DGKD: variants seen among roughly 807,000 people sequenced by gnomAD.
DGKD encodes the protein DAG kinase delta.
Under a neutral mutation model 154.4 loss-of-function variants are expected in DGKD, and 68 were observed. The ratio of observed to expected loss-of-function variants is 0.44; its 90% CI spans 0.36 to 0.54. The LOEUF is 0.54. DGKD is among the 20% of genes least tolerant of loss of function. The probability of loss-of-function intolerance (pLI) is 0.00; values close to 1 mark genes in which losing one functional copy is unlikely to be tolerated. For missense variants in DGKD, 1,343 were observed against 1,593.6 expected, an observed-to-expected ratio of 0.84 and a Z score of 2.68; for synonymous variants, 693 against 638.0, an observed-to-expected ratio of 1.09 and a Z score of -1.30.
chr2:233,389,869 A>G (rs2125443135), intron 2 of DGKD, among the ~76,000 whole-genome samples: 1 of 151,792 alleles, frequency 6.6e-6, no homozygotes, highest in African/African-American at 2.4e-5. Context: ...CTTCTGCTCT[A>G]CTCCCTTGTT....
intron 1 of DGKD, among the ~76,000 whole-genome samples, chr2:233,366,552 T>C (rs1559473017): frequency 6.6e-6 from 1 of 152,180 alleles, no homozygotes. Context: ...CTGGCTCTGC[T>C]GCATGCTATC....
chr2:233,448,738 C>T (rs2063167321), intron 14 of DGKD, among the ~76,000 whole-genome samples: 1 of 152,146 alleles, frequency 6.6e-6, no homozygotes, highest in African/African-American at 2.4e-5. Context: ...AGCAGCCAAC[C>T]AGAGGCTGAA....
intron 1 of DGKD, among the ~76,000 whole-genome samples, chr2:233,355,592 G>A (rs1701502413): frequency 6.6e-6 from 1 of 152,326 alleles, no homozygotes; most frequent in Middle Eastern, 3.4e-3. Context: ...CACCGTGGGA[G>A]CCTTCTCTTC....
At chr2:233,446,094 T>C (rs2063060366) in intron 11 of DGKD, among the ~76,000 whole-genome samples, 1 of 152,210 alleles carries the variant, frequency 6.6e-6, no homozygotes, top group Non-Finnish European at 1.5e-5. Context: ...GAATGCTCCT[T>C]GTCGTTTACT....
chr2:233,462,322 C>G, intron 24 of DGKD, 26 bp from the exon 25 acceptor site: 1 of 1,572,456 alleles, frequency 6.4e-7, no homozygotes, highest in Non-Finnish European at 8.7e-7. Context: ...GGCCTGACAT[C>G]TGCCCGTGCT....
chr2:233,447,611 G>C (rs946711869), intron 12 of DGKD: 2 of 986,888 alleles, frequency 2.0e-6, no homozygotes, highest in African/African-American at 1.7e-5. Context: ...CCCTGGGGCT[G>C]GGTCCTAAGG....
At position 233,453,751 on chromosome 2, in the gene DGKD, G is replaced by A. The variant is rs1172121656; in HGVS notation, c.2265-1012G>A. Among the ~76,000 whole-genome samples, 3 of 152,356 alleles carry A rather than the reference G, an allele frequency of 2.0e-5. No homozygotes were observed. The East Asian group carries it at 5.8e-4, about 29-fold the overall frequency. On this transcript the variant is annotated intron_variant, in intron 18 of 29. Coordinates refer to ENST00000264057, the MANE Select transcript of DGKD (RefSeq NM_152879.3). Reference sequence around the variant, plus strand: ...CCCAGTGTGACCCTGGGGTTGGGGAGGGTGAAGGCCAGGCTGGGCTTTCCC... The same window carrying A: ...CCCAGTGTGACCCTGGGGTTGGGGAAGGTGAAGGCCAGGCTGGGCTTTCCC...
In DGKD at chr2:233,432,664, A is replaced by T. The variant is rs1455380478; in HGVS notation, c.349-1716A>T. 4.6e-5 allele frequency among the ~76,000 whole-genome samples: 7 copies of T among 152,286 alleles called. No individual in the cohort carries two copies. In the East Asian group the frequency reaches 1.2e-3, roughly 25 times the overall value. ...ACAGAGTGAGGCTCCGTCTCAAAAA[A>T]ACAAAACAAAACAAAACAAAAATTG... On this transcript the variant is annotated intron_variant, in intron 3 of 29. Coordinates refer to ENST00000264057, the MANE Select transcript of DGKD (RefSeq NM_152879.3).
Position 233,354,571 on chromosome 2 carries a change from C to A in DGKD, c.53C>A (p.Pro18Gln), listed in dbSNP as rs767976862. ...PPPGPPQPPP[P>Q]PPPEESSDSE... ...CCGGGTCCCCCGCAACCGCCTCCGCCGCCGCCGCCCGAGGAGTCGTCCGAC... is the reference window on the plus strand; with the variant it reads ...CCGGGTCCCCCGCAACCGCCTCCGCAGCCGCCGCCCGAGGAGTCGTCCGAC... The change falls in exon 1 of 30, where the codon CCG becomes CAG. Residue 18 changes from proline to glutamine, a missense_variant. Pro to Gln is a moderately conservative substitution (Grantham distance 76). This residue lies in a region of DGKD where 57 missense variants were observed against 27.8 expected (regional missense o/e 2.05). Transcript: ENST00000264057. This position sits in a 1 kb window ranked among gnomAD's most constrained non-coding sequence, Gnocchi z 4.8. 9.3e-7 allele frequency: 1 copy of A among 1,072,822 alleles called. No individual in the cohort carries two copies. The highest frequency in any genetic ancestry group is 2.4e-5 in the South Asian group (1 of 42,364). 66.5% of individuals were successfully genotyped at this position (1,072,822 alleles called of 1,614,324 possible).
intron 1 of DGKD, among the ~76,000 whole-genome samples, chr2:233,355,717 C>T (rs1701505794): frequency 6.6e-6 from 1 of 152,184 alleles, no homozygotes; most frequent in African/African-American, 2.4e-5. Context: ...CTGCTTTGTT[C>T]CGGGTATAAC....
At chr2:233,362,769 G>C (rs1291152459) in intron 1 of DGKD, among the ~76,000 whole-genome samples, 1 of 152,198 alleles carries the variant, frequency 6.6e-6, no homozygotes, top group Non-Finnish European at 1.5e-5. Context: ...TCAATTCCTG[G>C]TACACCCTTG....
chr2:233,440,894 G>A lies in DGKD; in HGVS notation c.1086-993G>A, dbSNP rs559366701. 2.0e-5 allele frequency among the ~76,000 whole-genome samples: 3 copies of A among 152,310 alleles called. No homozygotes were observed. The East Asian group carries it at 5.8e-4, about 29-fold the overall frequency. ...CGGTGGTGACCTGAGCGGGTGGCTG[G>A]GTTGGGTGTGGAGGAGAGGCTGCCA... On this transcript the variant is annotated intron_variant, in intron 9 of 29. Transcript: ENST00000264057. This position sits in a 1 kb window ranked among gnomAD's most constrained non-coding sequence, Gnocchi z 4.9.
chr2:233,447,143 G>A (rs115263856), intron 12 of DGKD, among the ~76,000 whole-genome samples: 68 of 152,006 alleles, frequency 4.5e-4, no homozygotes, highest in African/African-American at 1.6e-3. Flanking sequence ...CCGCCGCGGT[G>A]CCCACGTGCC....
chr2:233,457,278 C>A lies in DGKD; in HGVS notation c.2530C>A (p.Pro844Thr). The A allele has an allele frequency of 6.5e-7, 1 of 1,529,070 alleles. No homozygotes were observed. The highest frequency in any genetic ancestry group is 8.8e-7 in the Non-Finnish European group (1 of 1,138,596). The allele number at this position is 1,529,070 out of a possible 1,614,324, so 94.7% of individuals were successfully genotyped here. ...SLQGIAVLNI[P>T]SYAGGTNFWG... is the part of the protein sequence containing the mutation. ...TCAGGGAATTGCTGTCCTTAACATT[C>A]CCAGCTATGCCGGAGGAACCAACTT... The change falls in exon 21 of 30, where the codon CCC (proline) becomes ACC (threonine). Residue 844 changes from proline to threonine, a missense_variant. Around this residue, in one of 6 missense-constraint regions of DGKD, gnomAD observed 60 missense variants for 112.4 expected, o/e 0.53. Coordinates refer to ENST00000264057, the MANE Select transcript of DGKD (RefSeq NM_152879.3). The surrounding 1 kb of genome is among the most constrained non-coding windows in gnomAD (Gnocchi z 5.5).
chr2:233,456,926 T>C lies in DGKD; in HGVS notation c.2403T>C (p.Tyr801=), dbSNP rs747693622. Residue 801 remains tyrosine (Y), a synonymous_variant, in exon 20 of 30, where the codon TAT becomes TAC. Transcript: ENST00000264057. ...GCCGAACCAAGAACATGATGTGGTATGGAGTTCTTGGAACCAAAGAGTTGC... is the reference window on the plus strand; with the variant it reads ...GCCGAACCAAGAACATGATGTGGTACGGAGTTCTTGGAACCAAAGAGTTGC... ...CRSRTKNMMW[Y]GVLGTKELLH... 39 of 1,614,096 alleles carry C rather than the reference T, an allele frequency of 2.4e-5. No homozygotes were observed. Among genetic ancestry groups the C allele is most frequent in the Non-Finnish European group, 3.1e-5 (37 of 1,180,034 alleles).
chr2:233,399,872 C>T (rs1194502150), intron 3 of DGKD, among the ~76,000 whole-genome samples: 1 of 152,074 alleles, frequency 6.6e-6, no homozygotes, highest in African/African-American at 2.4e-5. Flanking sequence ...CTGAGGAGAG[C>T]CATGCACTGC....
rs375790388 is a variant in DGKD at position 233,466,320 on chromosome 2, TTA to T, written c.3307-764_3307-763del. ...TAGATGTCTCAGTTTATCTTTGTGGTTATGTGTATTTTTGCTTCATGTATTTT... is the reference window on the plus strand; with the variant it reads ...TAGATGTCTCAGTTTATCTTTGTGGTTGTGTATTTTTGCTTCATGTATTTT... On this transcript the variant is annotated intron_variant, in intron 27 of 29. Coordinates refer to ENST00000264057, the MANE Select transcript of DGKD (RefSeq NM_152879.3). 2.7e-4 allele frequency among the ~76,000 whole-genome samples: 41 copies of T among 152,174 alleles called. No individual in the cohort carries two copies. The South Asian group carries it at 3.9e-3, about 15-fold the overall frequency.
chr2:233,419,316 G>GCT (rs1218402288), intron 3 of DGKD: 2 of 985,410 alleles, frequency 2.0e-6, no homozygotes, highest in Admixed American at 1.2e-4. Context: ...TAATCTGTAG[G>GCT]CTCTTGCCCA....
At chr2:233,425,042 T>G (rs1403260551) in intron 3 of DGKD, among the ~76,000 whole-genome samples, 2 of 152,214 alleles carry the variant, frequency 1.3e-5, no homozygotes, top group Non-Finnish European at 2.9e-5. Flanking sequence ...GCTTGGCAAC[T>G]CATTTAGAGT....
Sources: allele counts gnomAD v4.1 joint callset (sites outside exome capture counted in the v4.1 genomes callset), GRCh38; gene constraint gnomAD v4.1.1; regional missense constraint gnomAD v4.1.1; non-coding constraint Gnocchi (gnomAD v3.1); transcripts MANE v1.5; gene names NCBI Gene and HGNC (gene_info 2026-07-23, HGNC 2026-07-21).